Variants in ADAMTSL1 observed in about 807,000 individuals in gnomAD.
ADAMTSL1 encodes the protein ADAMTS like 1, also known as ADAMTS-like protein 1.
In ADAMTSL1, 126 loss-of-function variants were observed where a neutral mutation model predicts 201.8. That is an observed-to-expected ratio of 0.62 (90% CI 0.54 to 0.72). The LOEUF (loss-of-function observed/expected upper bound fraction) is 0.72, where lower values mean the gene tolerates loss of function less well. Ranked by LOEUF, ADAMTSL1 falls within the 30% of genes least tolerant of loss-of-function variation. ADAMTSL1 has a pLI of 0.00. For synonymous variants in ADAMTSL1, 1,121 were observed against 903.4 expected, an observed-to-expected ratio of 1.24 and a Z score of -4.32; for missense variants, 2,679 against 2,277.8, an observed-to-expected ratio of 1.18 and a Z score of -3.59.
intron 1 of ADAMTSL1, among the ~76,000 whole-genome samples, chr9:18,099,355 A>ATATATATTTTTTTTTT (rs1239180390): frequency 6.6e-5 from 3 of 45,538 alleles, no homozygotes; most frequent in African/African-American, 2.4e-4. Flanking sequence ...ATATATATAT[A>ATATATATTTTTTTTTT]TTTTTTTTTT....
At chr9:18,125,043 AAC>A (rs928413021) in intron 1 of ADAMTSL1, among the ~76,000 whole-genome samples, 1 of 152,188 alleles carries the variant, frequency 6.6e-6, no homozygotes, top group African/African-American at 2.4e-5. Flanking sequence ...TAAAAAACAA[AAC>A]AAATTTAATG....
Position 18,504,958 on chromosome 9 carries a change from T to G in ADAMTSL1, c.191+2T>G. Reference sequence around the variant, plus strand: ...TCTGAGGCGCTGCCTGAGCAGCAAGTAAGTCCTGCACCCGTTGGGGGTCTT... The same window carrying G: ...TCTGAGGCGCTGCCTGAGCAGCAAGGAAGTCCTGCACCCGTTGGGGGTCTT... On this transcript the variant is annotated splice_donor_variant, in intron 2 of 28. Coordinates refer to ENST00000380548, the MANE Select transcript of ADAMTSL1 (RefSeq NM_001040272.6). LOFTEE classifies it high-confidence loss of function. 1 of 1,606,514 alleles carries G rather than the reference T, an allele frequency of 6.2e-7. No individual in the cohort carries two copies. The highest frequency in any genetic ancestry group is 8.5e-7 in the Non-Finnish European group (1 of 1,178,814).
intron 9 of ADAMTSL1, among the ~76,000 whole-genome samples, chr9:18,665,511 T>G (rs1829375463): frequency 6.6e-6 from 1 of 152,142 alleles, no homozygotes; most frequent in Admixed American, 6.6e-5. Context: ...TTAGGAAGTT[T>G]ACAACAGCTT....
chr9:18,325,061 A>G (rs985713535), intron 2 of ADAMTSL1, among the ~76,000 whole-genome samples: 52 of 152,214 alleles, frequency 3.4e-4, no homozygotes, highest in African/African-American at 1.2e-3. Context: ...CACTCAGTAG[A>G]ATGGATATAA....
chr9:18,252,751 C>G (rs1831515654), intron 2 of ADAMTSL1, among the ~76,000 whole-genome samples: 3 of 152,010 alleles, frequency 2.0e-5, no homozygotes, highest in African/African-American at 7.3e-5. Flanking sequence ...TTATCTATTC[C>G]TGGTAAGAAT....
chr9:18,008,331 G>A (rs1188396851), intron 1 of ADAMTSL1, among the ~76,000 whole-genome samples: 1 of 151,908 alleles, frequency 6.6e-6, no homozygotes, highest in Admixed American at 6.6e-5. Flanking sequence ...ATATTAACAT[G>A]CAAACCTGAT....
chr9:18,047,196 T>G (rs1176407675), intron 1 of ADAMTSL1, among the ~76,000 whole-genome samples: 1 of 152,156 alleles, frequency 6.6e-6, no homozygotes, highest in Non-Finnish European at 1.5e-5. Flanking sequence ...AAAGAAATGT[T>G]AACTAGGTAT....
At chr9:18,769,097 G>A (rs1190582690) in intron 16 of ADAMTSL1, among the ~76,000 whole-genome samples, 3 of 152,156 alleles carry the variant, frequency 2.0e-5, no homozygotes, top group African/African-American at 4.8e-5. Context: ...TGCATGCAAG[G>A]TTGAGACCAC....
chr9:18,721,707 C>G (rs1219188179), intron 15 of ADAMTSL1, 42 bp downstream of exon 15: 4 of 1,591,818 alleles, frequency 2.5e-6, no homozygotes, highest in Non-Finnish European at 3.4e-6. Context: ...GGGGCACGTA[C>G]AGAACTGGGC....
At chr9:18,529,676 T>C (rs189227983) in intron 2 of ADAMTSL1, among the ~76,000 whole-genome samples, 1 of 152,314 alleles carries the variant, frequency 6.6e-6, no homozygotes, top group East Asian at 1.9e-4. Context: ...TAGTAGAGAC[T>C]AGTGTTTCTG....
chr9:18,498,435 C>G (rs1032257861), intron 1 of ADAMTSL1, among the ~76,000 whole-genome samples: 2 of 150,278 alleles, frequency 1.3e-5, no homozygotes, highest in South Asian at 4.3e-4. Context: ...CTCCTGGGTT[C>G]AAGCGATTCT....
At chr9:18,008,353 T>G (rs1819914883) in intron 1 of ADAMTSL1, among the ~76,000 whole-genome samples, 1 of 152,002 alleles carries the variant, frequency 6.6e-6, no homozygotes, top group Middle Eastern at 3.2e-3. Flanking sequence ...AAAACTCAGC[T>G]TAAATCTCTT....
intron 2 of ADAMTSL1, among the ~76,000 whole-genome samples, chr9:18,234,636 G>T (rs1026057809): frequency 2.0e-5 from 3 of 152,078 alleles, no homozygotes; most frequent in Non-Finnish European, 4.4e-5. Flanking sequence ...ACTGACAATT[G>T]TTCTCATTTG....
intron 2 of ADAMTSL1, among the ~76,000 whole-genome samples, chr9:18,507,611 A>G (rs1403392540): frequency 1.3e-5 from 2 of 152,206 alleles, no homozygotes; most frequent in African/African-American, 2.4e-5. Context: ...GCACAACACA[A>G]CATGCTATTA....
At chr9:18,875,564 T>C (rs142631417) in intron 23 of ADAMTSL1, among the ~76,000 whole-genome samples, 12 of 152,238 alleles carry the variant, frequency 7.9e-5, no homozygotes, top group African/African-American at 2.6e-4. Flanking sequence ...GTTTTGAAGG[T>C]TCCTTTTGGA....
At chr9:18,142,843 G>A (rs534393835) in intron 1 of ADAMTSL1, among the ~76,000 whole-genome samples, 1 of 152,148 alleles carries the variant, frequency 6.6e-6, no homozygotes, top group Admixed American at 6.5e-5. Flanking sequence ...AATGAGGCAG[G>A]GATAGAGTTC....
intron 13 of ADAMTSL1, among the ~76,000 whole-genome samples, chr9:18,698,806 A>G (rs1051707984): frequency 6.6e-6 from 1 of 152,246 alleles, no homozygotes; most frequent in African/African-American, 2.4e-5. Flanking sequence ...TAAGAATAGC[A>G]GACAGTAAGG....
At chr9:18,527,917 G>A (rs568686388) in intron 2 of ADAMTSL1, among the ~76,000 whole-genome samples, 24 of 152,080 alleles carry the variant, frequency 1.6e-4, no homozygotes, top group Middle Eastern at 3.4e-3. Context: ...TTGCTCTGTC[G>A]CCCAGGCTGG....
At chr9:18,231,438 G>C (rs934511023) in intron 2 of ADAMTSL1, among the ~76,000 whole-genome samples, 1 of 152,020 alleles carries the variant, frequency 6.6e-6, no homozygotes, top group African/African-American at 2.4e-5. Flanking sequence ...CCTCCTCCTT[G>C]GAATCTTTTG....
Sources: allele counts gnomAD v4.1 joint callset (sites outside exome capture counted in the v4.1 genomes callset), GRCh38; gene constraint gnomAD v4.1.1; transcripts MANE v1.5; gene names NCBI Gene and HGNC (gene_info 2026-07-23, HGNC 2026-07-21).